Variants in FHIT observed in about 807,000 individuals in gnomAD.
The protein encoded by FHIT is bis(5'-adenosyl)-triphosphatase.
FHIT carries 19 observed loss-of-function variants against 17.9 expected under a neutral mutation model. That is an observed-to-expected ratio of 1.06 (90% CI 0.74 to 1.56). FHIT has a LOEUF of 1.56. Ranked by LOEUF, FHIT falls within the 40% of genes most tolerant of loss-of-function variation. The probability of loss-of-function intolerance (pLI) is 0.00; values close to 1 mark genes in which losing one functional copy is unlikely to be tolerated. For missense variants in FHIT, 248 were observed against 189.2 expected (o/e 1.31, Z -1.82); for synonymous variants, 81 against 69.7 (o/e 1.16, Z -0.81).
chr3:60,449,817 A>T (rs1356615276), intron 5 of FHIT, among the ~76,000 whole-genome samples: 1 of 152,026 alleles, frequency 6.6e-6, no homozygotes, highest in Non-Finnish European at 1.5e-5. Flanking sequence ...ATCCTGGCCA[A>T]TATGGTGAAA....
intron 3 of FHIT, among the ~76,000 whole-genome samples, chr3:60,881,108 T>A (rs1351606387): frequency 6.6e-6 from 1 of 152,084 alleles, no homozygotes; most frequent in Non-Finnish European, 1.5e-5. Context: ...AAAAAGATAC[T>A]CCATGCAAAT....
At chr3:60,433,326 G>A (rs1405491950) in intron 5 of FHIT, among the ~76,000 whole-genome samples, 6 of 151,960 alleles carry the variant, frequency 3.9e-5, no homozygotes, top group African/African-American at 1.4e-4. Context: ...ATCTGTGGAA[G>A]GACATTTAGG....
intron 3 of FHIT, among the ~76,000 whole-genome samples, chr3:60,825,823 C>CATAT (rs1393984334): frequency 4.6e-5 from 7 of 152,100 alleles, no homozygotes; most frequent in Non-Finnish European, 8.8e-5. Flanking sequence ...TGTGGATACA[C>CATAT]ATATATGTAT....
chr3:60,313,838 G>A (rs1441622313), intron 5 of FHIT, among the ~76,000 whole-genome samples: 1 of 152,172 alleles, frequency 6.6e-6, no homozygotes, highest in African/African-American at 2.4e-5. Flanking sequence ...ATTGAGAGAT[G>A]GCCCCAGAAA....
intron 2 of FHIT, among the ~76,000 whole-genome samples, chr3:61,120,187 G>A (rs1023373243): frequency 6.6e-6 from 1 of 152,096 alleles, no homozygotes; most frequent in South Asian, 2.1e-4. Context: ...TAGATATAGG[G>A]TTAATAGAGT....
chr3:60,267,167 A>C lies in FHIT; in HGVS notation c.104-253015T>G, dbSNP rs146667106. Among the ~76,000 whole-genome samples the C allele has an allele frequency of 6.9e-3, 1,044 of 152,108 alleles. 12 individuals are homozygous for C. Among genetic ancestry groups the C allele is most frequent in the African/African-American group, 0.024 (983 of 41,520 alleles). The stretch of plus-strand genomic sequence containing the variant: ...AATAGAAAGAGCTTGAAATGTAAAA[A>C]ATAAAAAAGTATACATATTACTTAG... On this transcript the variant is annotated intron_variant, in intron 5 of 9. Coordinates refer to ENST00000492590, the MANE Select transcript of FHIT (RefSeq NM_002012.4).
At chr3:61,065,988 T>G (rs954614053) in intron 2 of FHIT, among the ~76,000 whole-genome samples, 2 of 152,230 alleles carry the variant, frequency 1.3e-5, no homozygotes, top group African/African-American at 2.4e-5. Context: ...ATTTATTAGC[T>G]TACAATTCTG....
At chr3:60,518,077 A>G (rs974455351) in intron 5 of FHIT, among the ~76,000 whole-genome samples, 2 of 152,234 alleles carry the variant, frequency 1.3e-5, no homozygotes, top group African/African-American at 4.8e-5. Flanking sequence ...AAATCACAAG[A>G]AAATACGCAC....
chr3:60,798,693 T>C (rs1403662055), intron 4 of FHIT, among the ~76,000 whole-genome samples: 1 of 147,734 alleles, frequency 6.8e-6, no homozygotes, highest in Non-Finnish European at 1.5e-5. Flanking sequence ...TGCACATCCA[T>C]TGACTCTAAT....
At chr3:60,171,178 G>A (rs540025206) in intron 5 of FHIT, among the ~76,000 whole-genome samples, 12 of 152,172 alleles carry the variant, frequency 7.9e-5, no homozygotes, top group African/African-American at 2.9e-4. Flanking sequence ...CAATATTTCT[G>A]AGGGATGCTA....
At chr3:60,511,107 G>A (rs773650326) in intron 5 of FHIT, among the ~76,000 whole-genome samples, 44 of 152,150 alleles carry the variant, frequency 2.9e-4, no homozygotes, top group Non-Finnish European at 3.7e-4. Context: ...CTAGGTGTGA[G>A]TCTCATGTCT....
At chr3:60,358,887 T>C (rs757340076) in intron 5 of FHIT, among the ~76,000 whole-genome samples, 35 of 152,226 alleles carry the variant, frequency 2.3e-4, no homozygotes, top group Non-Finnish European at 5.0e-4. Flanking sequence ...ACTCATAGAA[T>C]TGATGGAAGA....
At chr3:59,881,391 AG>A (rs1419297046) in intron 8 of FHIT, among the ~76,000 whole-genome samples, 1 of 152,178 alleles carries the variant, frequency 6.6e-6, no homozygotes, top group Non-Finnish European at 1.5e-5. Context: ...ACACAAAGGA[AG>A]GGGGTACGGG....
chr3:59,865,790 T>C (rs1702619405), intron 8 of FHIT, among the ~76,000 whole-genome samples: 1 of 152,150 alleles, frequency 6.6e-6, no homozygotes, highest in African/African-American at 2.4e-5. Context: ...CTCCTTCACC[T>C]CCACAACCAA....
Position 61,124,424 on chromosome 3 carries a change from C to T in FHIT, c.-164+76193G>A, listed in dbSNP as rs1332700698. Among the ~76,000 whole-genome samples, 7 of 152,102 alleles carry T rather than the reference C, an allele frequency of 4.6e-5. No individual in the cohort carries two copies. In the South Asian group the frequency reaches 8.3e-4, roughly 18 times the overall value. ...CTGTGTGGTGGTAAATGCTTAACAA[C>T]GGCTGGTGGTGGGATGGGGGTGTTC... On this transcript the variant is annotated intron_variant, in intron 2 of 9. Coordinates refer to ENST00000492590, the MANE Select transcript of FHIT (RefSeq NM_002012.4).
chr3:60,091,824 A>C (rs1161828052), intron 5 of FHIT, among the ~76,000 whole-genome samples: 1 of 152,076 alleles, frequency 6.6e-6, no homozygotes, highest in Non-Finnish European at 1.5e-5. Flanking sequence ...CATGACTGGA[A>C]GCTTGCTGAG....
intron 5 of FHIT, among the ~76,000 whole-genome samples, chr3:60,346,421 A>C (rs6800257): frequency 0.35 from 53,835 of 152,104 alleles, 11,104 homozygotes; most frequent in South Asian, 0.62. Context: ...TGCCCAAAGC[A>C]GACTGGAGCC....
intron 8 of FHIT, among the ~76,000 whole-genome samples, chr3:59,760,958 C>T (rs768325630): frequency 6.6e-5 from 10 of 152,104 alleles, no homozygotes; most frequent in Non-Finnish European, 1.2e-4. Context: ...GGGTTATAGG[C>T]ATGCACCACT....
intron 3 of FHIT, among the ~76,000 whole-genome samples, chr3:60,908,936 G>C (rs1326661160): frequency 6.6e-6 from 1 of 152,140 alleles, no homozygotes; most frequent in Non-Finnish European, 1.5e-5. Flanking sequence ...TGCCCTCAAA[G>C]AGCCCAGCTG....
Sources: allele counts gnomAD v4.1 joint callset (sites outside exome capture counted in the v4.1 genomes callset), GRCh38; gene constraint gnomAD v4.1.1; transcripts MANE v1.5; gene names NCBI Gene and HGNC (gene_info 2026-07-23, HGNC 2026-07-21).